The following DENND1A variants were observed in gnomAD, a reference collection of about 807,000 sequenced individuals.
DENND1A encodes the protein DENN domain containing 1A.
Under a neutral mutation model 113.7 loss-of-function variants are expected in DENND1A, and 51 were observed. The observed-to-expected ratio is 0.45, with a 90% CI of 0.36 to 0.57. The LOEUF is 0.57. Among genes scored for constraint, DENND1A ranks in the 20% least tolerant of loss-of-function variants. The pLI is 0.00. For missense variants in DENND1A, 1,258 were observed against 1,395.9 expected, an observed-to-expected ratio of 0.90 and a Z score of 1.57; for synonymous variants, 565 against 570.8, an observed-to-expected ratio of 0.99 and a Z score of 0.14.
chr9:123,671,389 C>T lies in DENND1A; in HGVS notation c.373-18G>A. 2.5e-6 allele frequency: 4 copies of T among 1,613,224 alleles called. No individual in the cohort carries two copies. Among genetic ancestry groups the T allele is most frequent in the Non-Finnish European group, 3.4e-6 (4 of 1,179,674 alleles). On this transcript the variant is annotated intron_variant, in intron 6 of 23. Transcript: ENST00000394215. ...TGATTTTCCTGAAAGAAATAAAAGG[C>T]CTAAGTAACAAAAGCAAGGCTGAGC...
At chr9:123,699,692 T>TCTTTTC (rs11383506) in intron 5 of DENND1A, among the ~76,000 whole-genome samples, 1 of 122,506 alleles carries the variant, frequency 8.2e-6, no homozygotes, top group African/African-American at 2.9e-5. Context: ...TTCTTTCTTT[T>TCTTTTC]TTTTTTTTTT....
At chr9:123,795,503 C>T (rs1163808732) in intron 2 of DENND1A, among the ~76,000 whole-genome samples, 1 of 152,172 alleles carries the variant, frequency 6.6e-6, no homozygotes, top group Non-Finnish European at 1.5e-5. Context: ...AACCTAGCAC[C>T]CTGCAGTTAA....
At position 123,630,476 on chromosome 9, in the gene DENND1A, G is replaced by C; in HGVS notation, c.619C>G (p.Leu207Val). ...ILIICSKLST[L>V]TACIHGSAAM... Reference sequence around the variant, plus strand: ...GCAGACCCGTGGATGCAGGCAGTCAGCTGGAACAGAGCAAAGCAGAGATCA... The same window carrying C: ...GCAGACCCGTGGATGCAGGCAGTCACCTGGAACAGAGCAAAGCAGAGATCA... The change falls in exon 10 of 24, where the codon CTG (leucine) becomes GTG (valine). Residue 207 changes from leucine to valine, a missense_variant and splice_region_variant. By Grantham distance (32) the Leu-to-Val change is conservative. Coordinates refer to ENST00000394215, the MANE Select transcript of DENND1A (RefSeq NM_001352964.2). 1 of 1,577,290 alleles carries C rather than the reference G, an allele frequency of 6.3e-7. No individual in the cohort carries two copies. Among genetic ancestry groups the C allele is most frequent in the Non-Finnish European group, 8.6e-7 (1 of 1,159,806 alleles).
At chr9:123,470,512 C>T (rs2049320454) in intron 13 of DENND1A, among the ~76,000 whole-genome samples, 1 of 152,198 alleles carries the variant, frequency 6.6e-6, no homozygotes, top group African/African-American at 2.4e-5. Context: ...AGGAAGTGCA[C>T]TGGAGAGAGG....
chr9:123,415,434 G>A (rs2044647602), intron 19 of DENND1A, among the ~76,000 whole-genome samples: 1 of 152,174 alleles, frequency 6.6e-6, no homozygotes, highest in African/African-American at 2.4e-5. Flanking sequence ...CCACCCTGGG[G>A]CTGGGGAGAG....
At chr9:123,583,093 C>T in intron 12 of DENND1A, 76 bp downstream of exon 12, 1 of 1,105,288 alleles carries the variant, frequency 9.0e-7, no homozygotes, top group South Asian at 1.5e-5. Context: ...TCCCCTCCTT[C>T]CCCATTCCCC....
chr9:123,640,890 C>T (rs1241172374), intron 9 of DENND1A, among the ~76,000 whole-genome samples: 1 of 152,354 alleles, frequency 6.6e-6, no homozygotes, highest in South Asian at 2.1e-4. Context: ...TGGAACAAAG[C>T]CATCCTGACT....
At chr9:123,911,143 T>C (rs628554) in intron 1 of DENND1A, among the ~76,000 whole-genome samples, 32,431 of 152,052 alleles carry the variant, frequency 0.21, 5,422 homozygotes, top group African/African-American at 0.47. Flanking sequence ...AGAAGATATC[T>C]AAATGGCCAA....
intron 2 of DENND1A, among the ~76,000 whole-genome samples, chr9:123,846,115 A>G (rs1472337483): frequency 1.3e-5 from 2 of 152,240 alleles, no homozygotes; most frequent in East Asian, 3.8e-4. Context: ...TAGGCATTAG[A>G]GAAAGGCAAA....
chr9:123,763,047 G>A (rs2071170073), intron 4 of DENND1A, among the ~76,000 whole-genome samples: 1 of 152,042 alleles, frequency 6.6e-6, no homozygotes, highest in Non-Finnish European at 1.5e-5. Context: ...ATCACACAGA[G>A]AGTCCCACAG....
At chr9:123,399,491 C>G (rs1316255350) in intron 21 of DENND1A, among the ~76,000 whole-genome samples, 1 of 152,164 alleles carries the variant, frequency 6.6e-6, no homozygotes, top group Non-Finnish European at 1.5e-5. Context: ...CCTCAGCCTC[C>G]CGACTAGCTG....
At chr9:123,854,795 C>T (rs1399852792) in intron 2 of DENND1A, among the ~76,000 whole-genome samples, 1 of 150,972 alleles carries the variant, frequency 6.6e-6, no homozygotes, top group African/African-American at 2.5e-5. Flanking sequence ...TGAAGTTTCT[C>T]TCTCCTCTTC....
At chr9:123,821,248 AAT>A (rs1247224270) in intron 2 of DENND1A, among the ~76,000 whole-genome samples, 1 of 152,238 alleles carries the variant, frequency 6.6e-6, no homozygotes, top group African/African-American at 2.4e-5. Flanking sequence ...CTTACATATA[AAT>A]AGACAATAGA....
chr9:123,860,800 C>T (rs142584938), intron 2 of DENND1A, among the ~76,000 whole-genome samples: 1 of 152,282 alleles, frequency 6.6e-6, no homozygotes, highest in Admixed American at 6.5e-5. Flanking sequence ...TTACAGTGCT[C>T]GGCACCACAC....
intron 13 of DENND1A, among the ~76,000 whole-genome samples, chr9:123,531,556 C>G (rs1322117378): frequency 1.8e-5 from 1 of 54,212 alleles, no homozygotes; most frequent in Non-Finnish European, 3.2e-5. Flanking sequence ...TCTCTCTCTA[C>G]ACACACACAC....
intron 11 of DENND1A, among the ~76,000 whole-genome samples, chr9:123,598,477 A>AC (rs1291536147): frequency 6.6e-6 from 1 of 150,836 alleles, no homozygotes; most frequent in African/African-American, 2.4e-5. Flanking sequence ...AAAAAAAAAA[A>AC]CCAACCCCAA....
chr9:123,454,589 G>A, intron 16 of DENND1A, 150 bp downstream of exon 16: 1 of 797,316 alleles, frequency 1.3e-6, no homozygotes, highest in Non-Finnish European at 2.1e-6. Context: ...GTCTCCATCT[G>A]GCATGAGAAG....
rs1461303325 is a variant in DENND1A at position 123,448,241 on chromosome 9, G to A, written c.1356+2452C>T. ...GAAAGGGAGAGAGAGTGGAAGGAAAGTGATCTAGATTGTTTAAACAAATCT... is the reference window on the plus strand; with the variant it reads ...GAAAGGGAGAGAGAGTGGAAGGAAAATGATCTAGATTGTTTAAACAAATCT... On this transcript the variant is annotated intron_variant, in intron 18 of 23. Coordinates refer to ENST00000394215, the MANE Select transcript of DENND1A (RefSeq NM_001352964.2). Among the ~76,000 whole-genome samples, 15 of 152,204 alleles carry A rather than the reference G, an allele frequency of 9.9e-5. 2 individuals are homozygous for A. The highest frequency in any genetic ancestry group is 9.8e-4 in the Admixed American group (15 of 15,280).
At chr9:123,537,659 TGG>T (rs757595011) in intron 13 of DENND1A, among the ~76,000 whole-genome samples, 2 of 151,092 alleles carry the variant, frequency 1.3e-5, no homozygotes, top group Non-Finnish European at 2.9e-5. Flanking sequence ...AAAAAACTCT[TGG>T]GCATGTAGTT....
Sources: allele counts gnomAD v4.1 joint callset (sites outside exome capture counted in the v4.1 genomes callset), GRCh38; gene constraint gnomAD v4.1.1; transcripts MANE v1.5; gene names NCBI Gene and HGNC (gene_info 2026-07-23, HGNC 2026-07-21).